FBXL2: variants seen among roughly 807,000 people sequenced by gnomAD.
FBXL2 encodes F-box and leucine rich repeat protein 2.
In FBXL2, 38 loss-of-function variants were observed where a neutral mutation model predicts 69.2. The observed-to-expected ratio is 0.55, with a 90% CI of 0.42 to 0.72. FBXL2 has a LOEUF of 0.72. FBXL2 is among the 30% of genes least tolerant of loss of function. The probability of loss-of-function intolerance (pLI) is 0.00; values close to 1 mark genes in which losing one functional copy is unlikely to be tolerated. For synonymous variants in FBXL2, 192 were observed against 201.3 expected (o/e 0.95, Z 0.39); for missense variants, 354 against 520.3 (o/e 0.68, Z 3.11).
chr3:33,301,537 C>A (rs185246779), intron 2 of FBXL2, among the ~76,000 whole-genome samples: 1 of 152,178 alleles, frequency 6.6e-6, no homozygotes, highest in Non-Finnish European at 1.5e-5. Flanking sequence ...TTCTTTTCAT[C>A]TGATTTTATT....
intron 2 of FBXL2, among the ~76,000 whole-genome samples, chr3:33,314,437 C>G (rs2037491921): frequency 6.6e-6 from 1 of 152,130 alleles, no homozygotes; most frequent in African/African-American, 2.4e-5. Context: ...TTTTCTATGT[C>G]TGACTTATTT....
At chr3:33,421,913 A>C in the FBXL2 span, among the ~76,000 whole-genome samples, 1 of 151,868 alleles carries the variant, frequency 6.6e-6, no homozygotes, top group Admixed American at 6.6e-5. Context: ...ACATGGTGGC[A>C]TGTGCCCATA....
At chr3:33,345,945 G>A (rs941187314) in intron 2 of FBXL2, among the ~76,000 whole-genome samples, 1 of 152,192 alleles carries the variant, frequency 6.6e-6, no homozygotes, top group Non-Finnish European at 1.5e-5. Flanking sequence ...TTGAGAATCT[G>A]GCCAGGTGTG....
intron 2 of FBXL2, among the ~76,000 whole-genome samples, chr3:33,305,355 G>C (rs188357034): frequency 5.1e-4 from 77 of 151,856 alleles, no homozygotes; most frequent in Non-Finnish European, 1.2e-4. Context: ...TTTTTTCCAG[G>C]TTCGTTTGTT....
At chr3:33,343,583 TTATTC>T (rs1435736559) in intron 2 of FBXL2, among the ~76,000 whole-genome samples, 3 of 152,138 alleles carry the variant, frequency 2.0e-5, no homozygotes, top group African/African-American at 4.8e-5. Context: ...CTATGTATCT[TTATTC>T]TATTATTCAA....
the FBXL2 span, among the ~76,000 whole-genome samples, chr3:33,419,394 C>A: frequency 6.6e-6 from 1 of 151,930 alleles, no homozygotes; most frequent in Admixed American, 6.6e-5. Flanking sequence ...CTTTGGGAGG[C>A]TGAGGTGGGC....
At chr3:33,363,089 G>A (rs897299768) in intron 4 of FBXL2, among the ~76,000 whole-genome samples, 1 of 152,074 alleles carries the variant, frequency 6.6e-6, no homozygotes, top group African/African-American at 2.4e-5. Flanking sequence ...CACCCAGGCT[G>A]GACTGCAGTG....
the FBXL2 span, chr3:33,416,959 A>T: frequency 1.3e-6 from 1 of 782,578 alleles, no homozygotes; most frequent in Non-Finnish European, 2.1e-6. Context: ...TTTGCTACGG[A>T]AGCAAATTCA....
the FBXL2 span, chr3:33,412,735 T>C: frequency 1.9e-6 from 3 of 1,612,090 alleles, no homozygotes; most frequent in Non-Finnish European, 2.5e-6. Flanking sequence ...AATCAAGAAG[T>C]CTGTCTCCTG....
chr3:33,282,748 T>G (rs146657860), intron 1 of FBXL2, among the ~76,000 whole-genome samples: 4,012 of 152,280 alleles, frequency 0.026, 82 homozygotes, highest in Admixed American at 0.059. Context: ...AGTTCTCCTT[T>G]AAGAGTTCCT....
chr3:33,336,503 ATATCTT>A (rs1299961030), intron 2 of FBXL2, among the ~76,000 whole-genome samples: 19 of 152,358 alleles, frequency 1.2e-4, no homozygotes, highest in African/African-American at 4.3e-4. Flanking sequence ...ATACACAAGA[ATATCTT>A]TATAATCTCA....
At chr3:33,333,219 A>G (rs1031072733) in intron 2 of FBXL2, among the ~76,000 whole-genome samples, 1 of 152,228 alleles carries the variant, frequency 6.6e-6, no homozygotes, top group Admixed American at 6.5e-5. Context: ...AAAAAACAAA[A>G]TGTAACCATT....
downstream of FBXL2, chr3:33,390,125 T>G (rs1273265697): frequency 8.7e-6 from 5 of 573,464 alleles, no homozygotes; most frequent in Non-Finnish European, 1.6e-5. Flanking sequence ...TGTGCCGATG[T>G]GCTCACTCTC....
chr3:33,358,518 T>C (rs1397838474), intron 2 of FBXL2, among the ~76,000 whole-genome samples: 1 of 152,188 alleles, frequency 6.6e-6, no homozygotes, highest in Non-Finnish European at 1.5e-5. Flanking sequence ...CTTTGCCAAC[T>C]AATGAGCTCC....
exon 13 of FBXL2, chr3:33,403,584 G>GTCTGTCTGTCTATCTA (rs60697427): frequency 8.7e-5 from 13 of 148,994 alleles, no homozygotes; most frequent in Admixed American, 4.7e-4. Flanking sequence ...CTGTCTGTCT[G>GTCTGTCTGTCTATCTA]TCTATCTATC....
chr3:33,371,693 T>C (rs2042316717), intron 5 of FBXL2, among the ~76,000 whole-genome samples: 1 of 152,206 alleles, frequency 6.6e-6, no homozygotes, highest in Non-Finnish European at 1.5e-5. Flanking sequence ...AACATGATAA[T>C]TTTTTGTTCA....
chr3:33,297,073 ATGTAT>A (rs1244798617), intron 1 of FBXL2, among the ~76,000 whole-genome samples: 6 of 152,262 alleles, frequency 3.9e-5, no homozygotes, highest in East Asian at 1.9e-4. Context: ...TTTCTCAACA[ATGTAT>A]TGTATAAGTT....
At chr3:33,417,801 A>T in the FBXL2 span, among the ~76,000 whole-genome samples, 1 of 152,226 alleles carries the variant, frequency 6.6e-6, no homozygotes, top group African/African-American at 2.4e-5. Flanking sequence ...GAGAATCTTT[A>T]TAACTACCAA....
At chr3:33,359,754 T>C (rs529439296) in intron 4 of FBXL2, among the ~76,000 whole-genome samples, 2 of 152,190 alleles carry the variant, frequency 1.3e-5, no homozygotes, top group South Asian at 4.2e-4. Context: ...AGAGTGAGGC[T>C]GGAGATCTAA....
Sources: gnomAD v4.1 joint callset for allele counts (sites outside exome capture counted in the v4.1 genomes callset) on GRCh38, gnomAD v4.1.1 for gene constraint, MANE v1.5 for transcripts, NCBI Gene and HGNC (gene_info 2026-07-23, HGNC 2026-07-21) for gene names.